The following SLC39A12 variants were observed in gnomAD, a reference collection of about 807,000 sequenced individuals.
SLC39A12 encodes solute carrier family 39 member 12.
In SLC39A12, 63 loss-of-function variants were observed where a neutral mutation model predicts 71.1. The observed-to-expected ratio is 0.89, with a 90% confidence interval of 0.72 to 1.09. The LOEUF is 1.09. SLC39A12 is among the 50% of genes least tolerant of loss of function. SLC39A12 has a pLI of 0.00. For synonymous variants in SLC39A12, 351 were observed against 301.3 expected (o/e 1.16, Z -1.71); for missense variants, 892 against 812.6 (o/e 1.10, Z -1.19).
At position 17,981,373 on chromosome 10, in the gene SLC39A12, C is replaced by A. The variant is rs773987169; in HGVS notation, c.986C>A (p.Ser329Tyr). 1.7e-5 allele frequency: 27 copies of A among 1,613,634 alleles called. No individual in the cohort carries two copies. Among genetic ancestry groups the A allele is most frequent in the Non-Finnish European group, 2.3e-5 (27 of 1,179,812 alleles). ...CTACAGAAGGGCCTCTCACTCATTT[C>A]TAAGGAGGACTTTAAGCAAATGAGT... ...IFLQKGLSLI[S>Y]KEDFKQMSPG... Residue 329 changes from serine (S) to tyrosine (Y), a missense_variant, in exon 6 of 13, where the codon TCT becomes TAT. Ser to Tyr is a moderately radical substitution (Grantham distance 144). Transcript: ENST00000377369.
At chr10:18,017,642 A>T (rs926636255) in intron 12 of SLC39A12, among the ~76,000 whole-genome samples, 3 of 152,150 alleles carry the variant, frequency 2.0e-5, no homozygotes, top group African/African-American at 7.2e-5. Flanking sequence ...TTTTGAAAAG[A>T]GGCCATTGCT....
At chr10:18,039,217 A>G (rs1837151293) in intron 12 of SLC39A12, among the ~76,000 whole-genome samples, 1 of 151,216 alleles carries the variant, frequency 6.6e-6, no homozygotes, top group African/African-American at 2.4e-5. Flanking sequence ...TTGAAAAATG[A>G]GGAGGAGGAG....
Position 18,030,324 on chromosome 10 carries a change from G to T in SLC39A12, c.1948-12381G>T, listed in dbSNP as rs186168050. ...GTCGCCCAGGCTGGAGCACAGTGGC[G>T]CCTCCCAGGTTCATGCCATTCTCCT... On this transcript the variant is annotated intron_variant, in intron 12 of 12. Transcript: ENST00000377369. Among the ~76,000 whole-genome samples, 845 of 150,968 alleles carry T rather than the reference G, an allele frequency of 5.6e-3. 7 individuals carry two copies. Among genetic ancestry groups the T allele is most frequent in the Middle Eastern group, 0.038 (11 of 292 alleles).
Position 17,987,557 on chromosome 10 carries a change from G to T in SLC39A12, c.1175G>T (p.Ser392Ile). 3.7e-6 allele frequency: 6 copies of T among 1,614,114 alleles called. No individual in the cohort carries two copies. The highest frequency in any genetic ancestry group is 5.1e-6 in the Non-Finnish European group (6 of 1,180,022). ...MLGTALVLFHSCEENYRLILQ... is the reference protein window; with the variant it reads ...MLGTALVLFHICEENYRLILQ... ...GGGACAGCGCTGGTCCTTTTCCATA[G>T]CTGTGAGGAGAACTACAGGCTTATC... Residue 392 changes from serine to isoleucine, a missense_variant, in exon 7 of 13, where the codon AGC becomes ATC. Transcript: ENST00000377369.
intron 12 of SLC39A12, among the ~76,000 whole-genome samples, chr10:18,036,774 A>G (rs1383355357): frequency 1.1e-4 from 1 of 8,922 alleles, no homozygotes; most frequent in African/African-American, 3.8e-4. Flanking sequence ...ATATATATAT[A>G]TATATATATA....
intron 12 of SLC39A12, among the ~76,000 whole-genome samples, chr10:18,022,331 G>C (rs1441797221): frequency 6.7e-6 from 1 of 149,166 alleles, no homozygotes; most frequent in Non-Finnish European, 1.5e-5. Flanking sequence ...TTTTTTTTTA[G>C]TTCTTTTTTG....
intron 4 of SLC39A12, among the ~76,000 whole-genome samples, chr10:17,974,710 G>C (rs1423190661): frequency 6.6e-6 from 1 of 152,144 alleles, no homozygotes; most frequent in Non-Finnish European, 1.5e-5. Context: ...ACCACACTGG[G>C]TTAGACCTGA....
chr10:17,953,032 G>A (rs1834443721), intron 1 of SLC39A12, among the ~76,000 whole-genome samples, 159 bp from the exon 2 acceptor site: 1 of 152,104 alleles, frequency 6.6e-6, no homozygotes, highest in Non-Finnish European at 1.5e-5. Context: ...CTACAGCCAT[G>A]GTGCTTTCCT....
At chr10:18,005,825 A>T (rs1476668258) in intron 12 of SLC39A12, 2 of 151,912 alleles carry the variant, frequency 1.3e-5, no homozygotes, top group African/African-American at 4.8e-5. Flanking sequence ...TAGCCGAGGA[A>T]AAACCAGCAT....
chr10:17,955,957 A>G (rs930352453), intron 2 of SLC39A12, among the ~76,000 whole-genome samples: 7 of 152,182 alleles, frequency 4.6e-5, no homozygotes, highest in African/African-American at 1.7e-4. Context: ...TGAAAGGAAA[A>G]GGGCCCTTTT....
chr10:17,969,036 G>T (rs1426926866), intron 4 of SLC39A12, among the ~76,000 whole-genome samples: 1 of 152,156 alleles, frequency 6.6e-6, no homozygotes, highest in Non-Finnish European at 1.5e-5. Flanking sequence ...GTGAGAATAT[G>T]CAATGTTTGT....
intron 12 of SLC39A12, among the ~76,000 whole-genome samples, chr10:18,014,889 G>C (rs7070994): frequency 6.6e-6 from 1 of 151,970 alleles, no homozygotes; most frequent in Non-Finnish European, 1.5e-5. Flanking sequence ...AGCTGTGAAG[G>C]GACAACCTAT....
At chr10:17,971,103 C>T (rs79242307) in intron 4 of SLC39A12, among the ~76,000 whole-genome samples, 6,754 of 151,994 alleles carry the variant, frequency 0.044, 396 homozygotes, top group African/African-American at 0.13. Flanking sequence ...TGTATTACAT[C>T]GACTGATTTG....
At chr10:18,010,660 A>G (rs891048095) in intron 12 of SLC39A12, 1 of 152,194 alleles carries the variant, frequency 6.6e-6, no homozygotes, top group African/African-American at 2.4e-5. Context: ...TAATTAAAAG[A>G]AACTGACCAT....
At position 18,000,649 on chromosome 10, in the gene SLC39A12, G is replaced by A; in HGVS notation, c.1601-18G>A. 1 of 1,613,620 alleles carries A rather than the reference G, an allele frequency of 6.2e-7. No individual in the cohort carries two copies. Among genetic ancestry groups the A allele is most frequent in the Non-Finnish European group, 8.5e-7 (1 of 1,179,650 alleles). On this transcript the variant is annotated intron_variant, in intron 10 of 12. Coordinates refer to ENST00000377369, the MANE Select transcript of SLC39A12 (RefSeq NM_001145195.2). ...AGTGCTCTGTTAATGCTTCTTCTGTGTTTATTTGGTTCCTTAGGTAAAGCC... is the reference window on the plus strand; with the variant it reads ...AGTGCTCTGTTAATGCTTCTTCTGTATTTATTTGGTTCCTTAGGTAAAGCC...
At chr10:18,025,792 TC>T (rs1487249903) in intron 12 of SLC39A12, among the ~76,000 whole-genome samples, 2 of 152,192 alleles carry the variant, frequency 1.3e-5, no homozygotes, top group Non-Finnish European at 2.9e-5. Flanking sequence ...TAGTTCTAGC[TC>T]CCTGAGGAAT....
chr10:17,999,455 A>G (rs973924877), intron 10 of SLC39A12, among the ~76,000 whole-genome samples: 2 of 152,218 alleles, frequency 1.3e-5, no homozygotes, highest in Non-Finnish European at 2.9e-5. Context: ...CAAGTGGTCT[A>G]CCTAGGCAGA....
rs567358881 is a variant in SLC39A12, at chr10:18,030,618, T to G, written c.1948-12087T>G. Among the ~76,000 whole-genome samples the G allele has an allele frequency of 4.2e-3, 429 of 103,298 alleles. 1 individual carries two copies. Among genetic ancestry groups the G allele is most frequent in the African/African-American group, 0.012 (395 of 33,062 alleles). The allele number at this position is 103,298 out of a possible 152,430, so 67.8% of individuals were successfully genotyped here. A position where few individuals can be genotyped will look rare whatever the true frequency, so the allele number is the denominator to read the frequency against. On this transcript the variant is annotated intron_variant, in intron 12 of 12. Transcript: ENST00000377369. ...TATATTTTTATTTTATTTTATTTAT[T>G]TATGTATTTATTTATTTATTTATTT...
chr10:18,039,259 T>C (rs370368707), intron 12 of SLC39A12, among the ~76,000 whole-genome samples: 3 of 152,178 alleles, frequency 2.0e-5, no homozygotes, highest in African/African-American at 7.2e-5. Flanking sequence ...AAGATCTTAT[T>C]CCATATTTGG....
Sources: allele counts gnomAD v4.1 joint callset (sites outside exome capture counted in the v4.1 genomes callset), GRCh38; gene constraint gnomAD v4.1.1; transcripts MANE v1.5; gene names NCBI Gene and HGNC (gene_info 2026-07-23, HGNC 2026-07-21).